The following FGGY variants were observed in gnomAD, a reference collection of about 807,000 sequenced individuals.
FGGY encodes the protein FGGY carbohydrate kinase domain-containing protein.
Under a neutral mutation model 71.3 loss-of-function variants are expected in FGGY, and 72 were observed. The observed-to-expected ratio is 1.01, with a 90% CI of 0.84 to 1.23. FGGY has a LOEUF of 1.23. Among genes scored for constraint, FGGY ranks in the 50% most tolerant of loss-of-function variants. The probability of loss-of-function intolerance (pLI) is 0.00; values close to 1 mark genes in which losing one functional copy is unlikely to be tolerated. For synonymous variants in FGGY, 251 were observed against 250.3 expected, an observed-to-expected ratio of 1.00 and a Z score of -0.02; for missense variants, 668 against 682.3, an observed-to-expected ratio of 0.98 and a Z score of 0.23.
At chr1:59,513,537 ACTCAGG>A (rs2094566896) in intron 7 of FGGY, among the ~76,000 whole-genome samples, 2 of 152,120 alleles carry the variant, frequency 1.3e-5, no homozygotes, top group Admixed American at 1.3e-4. Flanking sequence ...TCCATGAAAC[ACTCAGG>A]TGTATTTAGA....
chr1:59,667,322 G>A lies in FGGY; in HGVS notation c.1336G>A (p.Gly446Arg), dbSNP rs766564358. ...RFIIEAMEAA[G>R]HSISTLFLCG... ...CATTATAGAAGCCATGGAGGCAGCA[G>A]GGCACTCAATCAGTACTCTTTTCCT... Residue 446 changes from glycine to arginine, a missense_variant, in exon 13 of 16, where the codon GGG becomes AGG. By Grantham distance (125) the Gly-to-Arg change is moderately radical. This residue lies in a region of FGGY where 661 missense variants were observed against 661.6 expected (regional missense o/e 1.00). Coordinates refer to ENST00000303721, the MANE Select transcript of FGGY (RefSeq NM_018291.5). 6.2e-7 allele frequency: 1 copy of A among 1,614,168 alleles called. No individual in the cohort carries two copies. Among genetic ancestry groups the A allele is most frequent in the East Asian group, 2.2e-5 (1 of 44,878 alleles).
intron 1 of FGGY, among the ~76,000 whole-genome samples, chr1:59,317,162 AT>A (rs2045597556): frequency 6.6e-6 from 1 of 152,202 alleles, no homozygotes. Flanking sequence ...TCACATGGTG[AT>A]CTGCAGCTCA....
intron 12 of FGGY, 63 bp downstream of exon 12, chr1:59,660,356 G>T: frequency 7.9e-7 from 1 of 1,266,080 alleles, no homozygotes; most frequent in Admixed American, 1.8e-5. Flanking sequence ...TAGGCCACTG[G>T]CTCCCCAAGA....
intron 8 of FGGY, among the ~76,000 whole-genome samples, chr1:59,571,723 ATAAC>A (rs145095852): frequency 9.2e-5 from 14 of 152,330 alleles, no homozygotes; most frequent in African/African-American, 3.4e-4. Context: ...AATAGCATGA[ATAAC>A]TAAGTTGTAT....
At chr1:59,464,812 C>T (rs559073907) in intron 6 of FGGY, among the ~76,000 whole-genome samples, 139 of 152,256 alleles carry the variant, frequency 9.1e-4, no homozygotes, top group African/African-American at 3.3e-3. Context: ...CTTCCCAAGA[C>T]TAAACCAGGA....
At chr1:59,602,752 C>T (rs2096589814) in intron 8 of FGGY, among the ~76,000 whole-genome samples, 1 of 152,180 alleles carries the variant, frequency 6.6e-6, no homozygotes, top group South Asian at 2.1e-4. Flanking sequence ...CTGTGAAATG[C>T]TCACTCTTTT....
chr1:59,527,978 G>A (rs1203414758), intron 7 of FGGY, among the ~76,000 whole-genome samples: 2 of 151,976 alleles, frequency 1.3e-5, no homozygotes, highest in Admixed American at 1.3e-4. Flanking sequence ...GTTAAAATGC[G>A]GATGGCTGGG....
At chr1:59,472,985 T>C (rs1366836581) in intron 6 of FGGY, among the ~76,000 whole-genome samples, 3 of 152,102 alleles carry the variant, frequency 2.0e-5, no homozygotes, top group Non-Finnish European at 4.4e-5. Context: ...CAATCAGCAC[T>C]CTGTCAAAAC....
chr1:59,727,540 T>C (rs2097962844), intron 14 of FGGY, among the ~76,000 whole-genome samples: 1 of 152,168 alleles, frequency 6.6e-6, no homozygotes, highest in African/African-American at 2.4e-5. Flanking sequence ...AAAACACTGC[T>C]GAAAGAAATT....
At chr1:59,742,126 T>G (rs372467811) in intron 14 of FGGY, among the ~76,000 whole-genome samples, 1 of 152,142 alleles carries the variant, frequency 6.6e-6, no homozygotes, top group Non-Finnish European at 1.5e-5. Context: ...AAATCCCTTC[T>G]TCTGCCTATC....
intron 7 of FGGY, among the ~76,000 whole-genome samples, chr1:59,514,577 A>G (rs2094594498): frequency 6.6e-6 from 1 of 152,102 alleles, no homozygotes; most frequent in Admixed American, 6.5e-5. Context: ...TCCCCATTCA[A>G]ATCTCCACAG....
intron 7 of FGGY, among the ~76,000 whole-genome samples, chr1:59,552,926 C>G (rs1054004767): frequency 1.3e-5 from 2 of 152,180 alleles, no homozygotes; most frequent in Non-Finnish European, 1.5e-5. Flanking sequence ...AGAAGGGAGG[C>G]AGATGGGATA....
At chr1:59,433,640 G>A (rs2067834087) in intron 5 of FGGY, among the ~76,000 whole-genome samples, 1 of 152,284 alleles carries the variant, frequency 6.6e-6, no homozygotes, top group South Asian at 2.1e-4. Context: ...GGCAAAGCAG[G>A]GGCTGCATTC....
At chr1:59,468,668 C>T (rs976058074) in intron 6 of FGGY, among the ~76,000 whole-genome samples, 22 of 151,884 alleles carry the variant, frequency 1.4e-4, no homozygotes, top group African/African-American at 5.1e-4. Flanking sequence ...GTCAGGAGAT[C>T]GAGACCATAC....
intron 13 of FGGY, among the ~76,000 whole-genome samples, chr1:59,671,462 G>A (rs1257219468): frequency 6.6e-6 from 1 of 152,166 alleles, no homozygotes; most frequent in Non-Finnish European, 1.5e-5. Context: ...GCTTAGCCAA[G>A]GATGAAACCA....
At chr1:59,364,326 G>C (rs1403086585) in intron 4 of FGGY, among the ~76,000 whole-genome samples, 1 of 152,222 alleles carries the variant, frequency 6.6e-6, no homozygotes, top group Non-Finnish European at 1.5e-5. Flanking sequence ...CCTGAGAGAA[G>C]AAATTTATCT....
chr1:59,452,166 A>C (rs548457169), intron 5 of FGGY, among the ~76,000 whole-genome samples: 35 of 151,792 alleles, frequency 2.3e-4, no homozygotes, highest in Non-Finnish European at 3.1e-4. Flanking sequence ...AGGCTTCTGG[A>C]ATCTGTCCTC....
At chr1:59,398,461 A>G (rs957827792) in intron 5 of FGGY, among the ~76,000 whole-genome samples, 2 of 151,928 alleles carry the variant, frequency 1.3e-5, no homozygotes, top group African/African-American at 4.8e-5. Context: ...CTGGTCTTGA[A>G]CTCCTAACCT....
At chr1:59,592,077 TCAAA>T (rs1293605660) in intron 8 of FGGY, among the ~76,000 whole-genome samples, 2 of 152,018 alleles carry the variant, frequency 1.3e-5, no homozygotes, top group Non-Finnish European at 2.9e-5. Context: ...TACAATGAAC[TCAAA>T]CAAATTTACA....
Sources: allele counts gnomAD v4.1 joint callset (sites outside exome capture counted in the v4.1 genomes callset), GRCh38; gene constraint gnomAD v4.1.1; regional missense constraint gnomAD v4.1.1; transcripts MANE v1.5; gene names NCBI Gene and HGNC (gene_info 2026-07-23, HGNC 2026-07-21).